RILPL2: variants seen among roughly 807,000 people sequenced by gnomAD.
The protein encoded by RILPL2 is RILP-like protein 2.
In RILPL2, 19 loss-of-function variants were observed where a neutral mutation model predicts 22.2. That is an observed-to-expected ratio of 0.86 (90% CI 0.60 to 1.25). The LOEUF (loss-of-function observed/expected upper bound fraction) is 1.25, where lower values mean the gene tolerates loss of function less well. Among genes scored for constraint, RILPL2 ranks in the 50% most tolerant of loss-of-function variants. The probability of loss-of-function intolerance (pLI) is 0.00; values close to 1 mark genes in which losing one functional copy is unlikely to be tolerated. For missense variants in RILPL2, 243 were observed against 263.6 expected, an observed-to-expected ratio of 0.92 and a Z score of 0.54; for synonymous variants, 123 against 111.6, an observed-to-expected ratio of 1.10 and a Z score of -0.64.
Position 123,436,087 on chromosome 12 carries a change from C to G in RILPL2, c.334G>C (p.Gly112Arg). Reference protein sequence around the residue: ...GLRRQSPPASGEVNLGPNKMV... With the variant: ...GLRRQSPPASREVNLGPNKMV... ...ACCCTCGCTCCCACACTCACCTCCC[C>G]GCTGGCCGGAGGGCTCTGTCTCCGC... is the stretch of plus-strand genomic sequence containing the variant. The change falls in exon 1 of 4, where the codon GGG (glycine) becomes CGG (arginine). Residue 112 changes from glycine (G) to arginine (R), a missense_variant. Physicochemically the swap from Gly to Arg is moderately radical, Grantham distance 125. Coordinates refer to ENST00000280571, the MANE Select transcript of RILPL2 (RefSeq NM_145058.3). This position sits in a 1 kb window ranked among gnomAD's most constrained non-coding sequence, Gnocchi z 6.7. 1.3e-6 allele frequency: 2 copies of G among 1,571,510 alleles called. No individual in the cohort carries two copies. Among genetic ancestry groups the G allele is most frequent in the Non-Finnish European group, 1.7e-6 (2 of 1,158,504 alleles).
intron 3 of RILPL2, among the ~76,000 whole-genome samples, chr12:123,416,413 G>A (rs984835353): frequency 1.3e-5 from 2 of 152,134 alleles, no homozygotes; most frequent in Non-Finnish European, 2.9e-5. Flanking sequence ...ACGGAGGCAG[G>A]CAGATCATGA....
chr12:123,419,662 G>A (rs1028724993), intron 3 of RILPL2, among the ~76,000 whole-genome samples: 1 of 150,622 alleles, frequency 6.6e-6, no homozygotes, highest in Non-Finnish European at 1.5e-5. Flanking sequence ...CTGGAGTGCA[G>A]GGGTGTGATC....
rs367790254 is a variant in RILPL2, at chr12:123,423,782, T to G, written c.492-625A>C. ...CATTCTCTTGCCTCAGCCCCCCGAG[T>G]AGCTGGGACTATAGGCGCCCGCCAC... On this transcript the variant is annotated intron_variant, in intron 2 of 3. Coordinates refer to ENST00000280571, the MANE Select transcript of RILPL2 (RefSeq NM_145058.3). 2.0e-4 allele frequency among the ~76,000 whole-genome samples: 31 copies of G among 151,782 alleles called. No homozygotes were observed. In the South Asian group the frequency reaches 2.7e-3, roughly 13 times the overall value.
intron 2 of RILPL2, among the ~76,000 whole-genome samples, chr12:123,428,578 A>G (rs184644391): frequency 1.0e-3 from 158 of 152,360 alleles, no homozygotes; most frequent in African/African-American, 3.7e-3. Context: ...AGGCATTTAA[A>G]GAATCATATC....
At chr12:123,427,199 A>G (rs891498142) in intron 2 of RILPL2, among the ~76,000 whole-genome samples, 2 of 152,276 alleles carry the variant, frequency 1.3e-5, no homozygotes, top group Admixed American at 1.3e-4. Flanking sequence ...GGCTGTGCAC[A>G]GCTGGGGCTG....
intron 3 of RILPL2, among the ~76,000 whole-genome samples, chr12:123,417,048 T>C (rs1476689490): frequency 6.6e-6 from 1 of 152,042 alleles, no homozygotes; most frequent in Non-Finnish European, 1.5e-5. Context: ...CCCGTAATCC[T>C]AGCACATTGG....
At chr12:123,430,347 T>G (rs922895201) in intron 2 of RILPL2, among the ~76,000 whole-genome samples, 161 bp downstream of exon 2, 1 of 151,938 alleles carries the variant, frequency 6.6e-6, no homozygotes, top group Non-Finnish European at 1.5e-5. Context: ...AGGCAGAGGT[T>G]GCAGTGAGCC....
intron 3 of RILPL2, among the ~76,000 whole-genome samples, chr12:123,417,958 G>A (rs1359263336): frequency 6.6e-6 from 1 of 152,120 alleles, no homozygotes; most frequent in African/African-American, 2.4e-5. Context: ...TTTTGTTTTG[G>A]TGGGAGACGG....
At position 123,415,285 on chromosome 12, in the gene RILPL2, T is replaced by C. The variant is rs1208859318; in HGVS notation, c.*606A>G. On this transcript the variant is annotated 3_prime_UTR_variant, in exon 4 of 4. Coordinates refer to ENST00000280571, the MANE Select transcript of RILPL2 (RefSeq NM_145058.3). ...ATAATCGTGCATCGCTTAGACTGAA[T>C]GAATGCAATTGATTCATTATACAAT... is the stretch of plus-strand genomic sequence containing the variant. 1 of 152,928 alleles carries C rather than the reference T, an allele frequency of 6.5e-6. No individual in the cohort carries two copies. The highest frequency in any genetic ancestry group is 1.5e-5 in the Non-Finnish European group (1 of 68,324). 9.5% of individuals were successfully genotyped at this position (152,928 alleles called of 1,614,324 possible). A position where few individuals can be genotyped will look rare whatever the true frequency, so the allele number is the denominator to read the frequency against.
chr12:123,424,820 C>A (rs759497828), intron 2 of RILPL2, among the ~76,000 whole-genome samples: 51 of 151,958 alleles, frequency 3.4e-4, no homozygotes, highest in Non-Finnish European at 1.0e-4. Context: ...ATGGTGTTGT[C>A]CCCTTGCTGT....
At chr12:123,431,028 G>A (rs1879632695) in intron 1 of RILPL2, among the ~76,000 whole-genome samples, 1 of 152,130 alleles carries the variant, frequency 6.6e-6, no homozygotes, top group African/African-American at 2.4e-5. Context: ...ATTTTCAGTA[G>A]AGATGGAGTT....
Position 123,423,202 on chromosome 12 carries a change from CGTT to C in RILPL2, c.492-48_492-46del. 7.0e-6 allele frequency: 6 copies of C among 862,856 alleles called. No homozygotes were observed. The East Asian group carries it at 1.2e-4, about 17-fold the overall frequency. 53.4% of individuals were successfully genotyped at this position (862,856 alleles called of 1,614,324 possible). A position where few individuals can be genotyped will look rare whatever the true frequency, so the allele number is the denominator to read the frequency against. ...ATAAATGGATTATTTTATTACAGAT[CGTT>C]TTTTTTTTTTTTTTGAGTTGGAGTC... On this transcript the variant is annotated intron_variant, in intron 2 of 3. Transcript: ENST00000280571.
At chr12:123,434,729 TG>T (rs1879745268) in intron 1 of RILPL2, among the ~76,000 whole-genome samples, 1 of 151,720 alleles carries the variant, frequency 6.6e-6, no homozygotes, top group Non-Finnish European at 1.5e-5. Flanking sequence ...CCCAGCCAGA[TG>T]ATTTTTAACA....
At position 123,436,480 on chromosome 12, in the gene RILPL2, C is replaced by T; in HGVS notation, c.-60G>A. ...GTCTTGGAGTCTCCCAAAGGTTAGA[C>T]TTCCTCCCGGCACCCAAAACTTTCC... On this transcript the variant is annotated 5_prime_UTR_variant, in exon 1 of 4. Transcript: ENST00000280571. This position sits in a 1 kb window ranked among gnomAD's most constrained non-coding sequence, Gnocchi z 6.7. The T allele has an allele frequency of 6.6e-7, 1 of 1,507,754 alleles. No homozygotes were observed. Among genetic ancestry groups the T allele is most frequent in the Non-Finnish European group, 8.8e-7 (1 of 1,129,974 alleles). The allele number at this position is 1,507,754 out of a possible 1,614,324, so 93.4% of individuals were successfully genotyped here.
chr12:123,412,734 C>T (rs771894427), downstream of RILPL2: 1 of 152,174 alleles, frequency 6.6e-6, no homozygotes, highest in African/African-American at 2.4e-5. Context: ...CGGAAAGGTA[C>T]TTAGAATGAT....
chr12:123,427,786 C>T (rs1232125483), intron 2 of RILPL2, among the ~76,000 whole-genome samples: 1 of 152,162 alleles, frequency 6.6e-6, no homozygotes, highest in Admixed American at 6.6e-5. Context: ...CTCAGGCAAT[C>T]TGCCTGCCTC....
At position 123,428,237 on chromosome 12, in the gene RILPL2, C is replaced by A. The variant is rs538400083; in HGVS notation, c.491+2271G>T. ...CTGCAAGCTCCACCTCCCAGGTTCA[C>A]ACCATTCTCCTGCCTCAGCCTCCCA... On this transcript the variant is annotated intron_variant, in intron 2 of 3. Coordinates refer to ENST00000280571, the MANE Select transcript of RILPL2 (RefSeq NM_145058.3). Among the ~76,000 whole-genome samples, 135 of 152,126 alleles carry A rather than the reference C, an allele frequency of 8.9e-4. 4 individuals carry two copies. In the South Asian group the frequency reaches 0.028, roughly 31 times the overall value.
intron 3 of RILPL2, among the ~76,000 whole-genome samples, chr12:123,416,622 A>C (rs1056331057): frequency 2.0e-4 from 31 of 152,342 alleles, no homozygotes; most frequent in African/African-American, 7.2e-4. Flanking sequence ...CCTGGGTGAC[A>C]GATTGAGACT....
intron 3 of RILPL2, among the ~76,000 whole-genome samples, chr12:123,419,606 CTT>C (rs11361281): frequency 3.9e-4 from 51 of 130,324 alleles, no homozygotes; most frequent in Admixed American, 6.5e-4. Flanking sequence ...TCCCTTTTTT[CTT>C]TTTTTTTTTT....
Sources: gnomAD v4.1 joint callset for allele counts (sites outside exome capture counted in the v4.1 genomes callset) on GRCh38, gnomAD v4.1.1 for gene constraint, Gnocchi (gnomAD v3.1) non-coding constraint, MANE v1.5 for transcripts, NCBI Gene and HGNC (gene_info 2026-07-23, HGNC 2026-07-21) for gene names.